The following ASTN2 variants were observed in gnomAD, a reference collection of about 807,000 sequenced individuals.
The protein encoded by ASTN2 is astrotactin 2, also known as astrotactin-2.
In ASTN2, 54 loss-of-function variants were observed where a neutral mutation model predicts 139.8. The observed-to-expected ratio is 0.39, with a 90% confidence interval of 0.31 to 0.48. ASTN2 has a LOEUF of 0.48. ASTN2 is among the 20% of genes least tolerant of loss of function. The pLI is 0.95. For synonymous variants in ASTN2, 756 were observed against 719.5 expected, an observed-to-expected ratio of 1.05 and a Z score of -0.81; for missense variants, 1,565 against 1,725.1, an observed-to-expected ratio of 0.91 and a Z score of 1.64.
intron 3 of ASTN2, among the ~76,000 whole-genome samples, chr9:117,154,526 A>G (rs1830391876): frequency 6.6e-6 from 1 of 152,102 alleles, no homozygotes; most frequent in African/African-American, 2.4e-5. Context: ...TCAGGAAATT[A>G]AAACTACTGT....
In ASTN2 at chr9:116,498,159, G is replaced by C. The variant is rs755026907; in HGVS notation, c.3356-10659C>G. Among the ~76,000 whole-genome samples, 65 of 152,296 alleles carry C rather than the reference G, an allele frequency of 4.3e-4. 1 individual carries two copies. Among genetic ancestry groups the C allele is most frequent in the Middle Eastern group, 3.4e-3 (1 of 294 alleles). On this transcript the variant is annotated intron_variant, in intron 19 of 22. Coordinates refer to ENST00000313400, the MANE Select transcript of ASTN2 (RefSeq NM_001365068.1). ...TTAAGGCAAGCCTTCCAAACACACA[G>C]CTACTACCCAGCAAAGCTAGAACTT...
At position 117,277,649 on chromosome 9, in the gene ASTN2, A is replaced by T. The variant is rs148652628; in HGVS notation, c.630+13677T>A. 4.7e-3 allele frequency among the ~76,000 whole-genome samples: 711 copies of T among 152,334 alleles called. 6 individuals carry two copies. The highest frequency in any genetic ancestry group is 8.5e-3 in the Non-Finnish European group (579 of 68,036). On this transcript the variant is annotated intron_variant, in intron 2 of 22. Transcript: ENST00000313400. The stretch of plus-strand genomic sequence containing the variant: ...ACAGTAAACAGGAGAAAATAATATC[A>T]GGCAATTTTTAAACCTCCTAGTAAT...
intron 20 of ASTN2, among the ~76,000 whole-genome samples, chr9:116,461,092 C>T (rs182928321): frequency 2.0e-5 from 3 of 152,086 alleles, no homozygotes; most frequent in Admixed American, 2.0e-4. Flanking sequence ...CAGTTCCTTC[C>T]CTCACCTCCT....
chr9:117,232,634 C>A (rs1832927551), intron 2 of ASTN2, among the ~76,000 whole-genome samples: 1 of 152,200 alleles, frequency 6.6e-6, no homozygotes, highest in Non-Finnish European at 1.5e-5. Context: ...TTTTACTAAT[C>A]TTTCAAACTG....
chr9:117,081,488 G>A (rs780869767), intron 5 of ASTN2, among the ~76,000 whole-genome samples: 6 of 152,162 alleles, frequency 3.9e-5, no homozygotes, highest in Non-Finnish European at 8.8e-5. Flanking sequence ...CCTGCACACT[G>A]TCTGTATACT....
intron 10 of ASTN2, among the ~76,000 whole-genome samples, chr9:116,971,434 C>A (rs920506031): frequency 6.6e-6 from 1 of 152,176 alleles, no homozygotes; most frequent in Admixed American, 6.5e-5. Flanking sequence ...TTCCCTCAGT[C>A]GGATACATCT....
intron 5 of ASTN2, among the ~76,000 whole-genome samples, chr9:117,089,888 A>T (rs950091459): frequency 9.9e-5 from 15 of 152,228 alleles, no homozygotes; most frequent in Non-Finnish European, 1.0e-4. Context: ...GTAGTATTCC[A>T]TCATGTATAT....
intron 11 of ASTN2, among the ~76,000 whole-genome samples, chr9:116,839,561 C>A (rs1028480223): frequency 6.6e-6 from 1 of 151,988 alleles, no homozygotes; most frequent in Non-Finnish European, 1.5e-5. Context: ...CTCACTGCAA[C>A]CTCTGCCTCC....
intron 10 of ASTN2, among the ~76,000 whole-genome samples, chr9:116,886,126 A>T (rs1336128669): frequency 6.6e-6 from 1 of 152,208 alleles, no homozygotes; most frequent in Non-Finnish European, 1.5e-5. Flanking sequence ...AGTGCTGGCC[A>T]TAGACCCACT....
intron 4 of ASTN2, among the ~76,000 whole-genome samples, chr9:117,114,933 G>A (rs781380598): frequency 9.2e-5 from 14 of 152,152 alleles, no homozygotes; most frequent in Non-Finnish European, 1.9e-4. Context: ...TTCCAGCCAT[G>A]TGAGGGGGCC....
chr9:117,004,225 C>A (rs1319728662), intron 7 of ASTN2, among the ~76,000 whole-genome samples: 1 of 151,976 alleles, frequency 6.6e-6, no homozygotes. Flanking sequence ...ACTCAAGCAA[C>A]CCTCCCACCT....
At chr9:117,081,367 C>A (rs911140152) in intron 5 of ASTN2, among the ~76,000 whole-genome samples, 2 of 152,052 alleles carry the variant, frequency 1.3e-5, no homozygotes, top group African/African-American at 4.8e-5. Context: ...TACCCTCAGC[C>A]CCTTCACTTT....
chr9:117,127,671 G>GTT (rs1829723218), intron 4 of ASTN2, among the ~76,000 whole-genome samples: 3 of 97,148 alleles, frequency 3.1e-5, no homozygotes, highest in South Asian at 3.5e-4. Flanking sequence ...TTTTTGTTTT[G>GTT]GTTTTTTTTT....
chr9:116,775,649 G>A (rs1245954559), intron 13 of ASTN2, among the ~76,000 whole-genome samples: 1 of 116,056 alleles, frequency 8.6e-6, no homozygotes, highest in African/African-American at 3.3e-5. Flanking sequence ...AAAAGGACAG[G>A]AAGGGAAGGG....
In ASTN2 at chr9:116,899,720, C is replaced by T. The variant is rs142614611; in HGVS notation, c.1890-35987G>A. Among the ~76,000 whole-genome samples the T allele has an allele frequency of 2.1e-3, 322 of 152,246 alleles. 1 individual carries two copies. The highest frequency in any genetic ancestry group is 7.3e-3 in the African/African-American group (304 of 41,546). On this transcript the variant is annotated intron_variant, in intron 10 of 22. Coordinates refer to ENST00000313400, the MANE Select transcript of ASTN2 (RefSeq NM_001365068.1). The stretch of plus-strand genomic sequence containing the variant: ...CCATCCTTGCTTGGAGACCACACTG[C>T]CTTTGTAAAACAAACAAATTAGCCA...
intron 10 of ASTN2, among the ~76,000 whole-genome samples, chr9:116,919,063 C>G (rs1168544590): frequency 6.6e-6 from 1 of 151,862 alleles, no homozygotes; most frequent in African/African-American, 2.4e-5. Flanking sequence ...TAAAAGGGAG[C>G]TGACAGTTGG....
At chr9:116,643,012 C>T (rs1857414686) in intron 17 of ASTN2, among the ~76,000 whole-genome samples, 1 of 152,164 alleles carries the variant, frequency 6.6e-6, no homozygotes, top group Non-Finnish European at 1.5e-5. Context: ...AATTCTCACC[C>T]CACAATTCAC....
intron 1 of ASTN2, among the ~76,000 whole-genome samples, chr9:117,299,905 A>G (rs1329926851): frequency 6.6e-6 from 1 of 152,208 alleles, no homozygotes; most frequent in Non-Finnish European, 1.5e-5. Flanking sequence ...TGATCCCTCT[A>G]CAGCACCTGA....
In ASTN2 at chr9:116,620,146, G is replaced by A. The variant is rs144146241; in HGVS notation, c.3206+164C>T. 8.5e-5 allele frequency among the ~76,000 whole-genome samples: 13 copies of A among 152,232 alleles called. No individual in the cohort carries two copies. The East Asian group carries it at 2.5e-3, about 29-fold the overall frequency. On this transcript the variant is annotated intron_variant, in intron 18 of 22. Coordinates refer to ENST00000313400, the MANE Select transcript of ASTN2 (RefSeq NM_001365068.1). ...TGCTCCTGTGCCACAATTCTGTTCT[G>A]CCAAAGCTCCCTTCTTTCCTAAAAA...
Sources: gnomAD v4.1 joint callset for allele counts (sites outside exome capture counted in the v4.1 genomes callset) on GRCh38, gnomAD v4.1.1 for gene constraint, MANE v1.5 for transcripts, NCBI Gene and HGNC (gene_info 2026-07-23, HGNC 2026-07-21) for gene names.